The following FAP variants were observed in gnomAD, a reference collection of about 807,000 sequenced individuals.
FAP encodes fibroblast activation protein alpha.
FAP carries 110 observed loss-of-function variants against 126.5 expected under a neutral mutation model. The observed-to-expected ratio is 0.87, with a 90% CI of 0.74 to 1.02. The LOEUF (loss-of-function observed/expected upper bound fraction) is 1.02. FAP is among the 50% of genes least tolerant of loss of function. FAP has a pLI of 0.00. For missense variants in FAP, 919 were observed against 909.2 expected, an observed-to-expected ratio of 1.01 and a Z score of -0.14; for synonymous variants, 334 against 297.3, an observed-to-expected ratio of 1.12 and a Z score of -1.27.
intron 21 of FAP, chr2:162,175,454 G>A (rs1293241192): frequency 1.3e-5 from 2 of 152,510 alleles, no homozygotes; most frequent in Non-Finnish European, 2.9e-5. Flanking sequence ...TTTCACAACA[G>A]AATACCAAAG....
At chr2:162,214,175 C>T in intron 10 of FAP, 102 bp from the exon 11 acceptor site, 2 of 1,018,364 alleles carry the variant, frequency 2.0e-6, no homozygotes, top group Non-Finnish European at 2.7e-6. Context: ...CATTATTATA[C>T]ATTACTTATT....
At chr2:162,223,545 G>A in intron 6 of FAP, 63 bp downstream of exon 6, 1 of 1,066,772 alleles carries the variant, frequency 9.4e-7, no homozygotes, top group Non-Finnish European at 1.4e-6. Context: ...CCAAATCATA[G>A]TTTGGAATGA....
chr2:162,173,195 T>C lies in FAP; in HGVS notation c.2061A>G (p.Glu687=). 1 of 1,613,208 alleles carries C rather than the reference T, an allele frequency of 6.2e-7. No homozygotes were observed. Among genetic ancestry groups the C allele is most frequent in the Non-Finnish European group, 8.5e-7 (1 of 1,179,286 alleles). The part of the protein sequence containing the change: ...YKNSTVMARA[E]YFRNVDYLLI... ...GAAGATAGTCTACATTTCTGAAATATTCTGCTCTTGCCATCACAGTTGAAT... is the reference window on the plus strand; with the variant it reads ...GAAGATAGTCTACATTTCTGAAATACTCTGCTCTTGCCATCACAGTTGAAT... Residue 687 remains glutamate, a synonymous_variant, in exon 24 of 26, where the codon GAA becomes GAG. Coordinates refer to ENST00000188790, the MANE Select transcript of FAP (RefSeq NM_004460.5).
chr2:162,220,776 A>G (rs1463338041), intron 6 of FAP, among the ~76,000 whole-genome samples: 1 of 152,228 alleles, frequency 6.6e-6, no homozygotes, highest in Non-Finnish European at 1.5e-5. Flanking sequence ...TCAGACTTTT[A>G]TAAGTGTTGC....
rs372981953 is a variant in FAP at position 162,205,612 on chromosome 2, C to A, written c.1048-2467G>T. ...CATCACAACCTCTGTCGCCCGGGCA[C>A]AAGTGATTCTCCTGCCTCAGCCTCC... On this transcript the variant is annotated intron_variant, in intron 12 of 25. Coordinates refer to ENST00000188790, the MANE Select transcript of FAP (RefSeq NM_004460.5). Among the ~76,000 whole-genome samples the A allele has an allele frequency of 3.3e-5, 5 of 152,084 alleles. No homozygotes were observed. The East Asian group carries it at 7.7e-4, about 23-fold the overall frequency.
chr2:162,188,754 A>G lies in FAP; in HGVS notation c.1619+349T>C, dbSNP rs564549159. ...GGTGTGATTCCACTAAATGTATTCT[A>G]TTCCTTTATTTCATTTCTAACTCAA... On this transcript the variant is annotated intron_variant, in intron 19 of 25. Transcript: ENST00000188790. Among the ~76,000 whole-genome samples the G allele has an allele frequency of 2.6e-5, 4 of 152,222 alleles. No homozygotes were observed. The East Asian group carries it at 7.7e-4, about 29-fold the overall frequency.
rs1324079526 is a variant in FAP at position 162,188,222 on chromosome 2, T to C, written c.1761A>G (p.Ala587=). The change falls in exon 20 of 26, where the codon GCA becomes GCG. Residue 587 remains alanine (A), a synonymous_variant. Coordinates refer to ENST00000188790, the MANE Select transcript of FAP (RefSeq NM_004460.5). ...TAFQGDKLLY[A]VYRKLGVYEV... ...CATAAACACCCAGCTTTCGATACAC[T>C]GCATAGAGGAGTTTGTCACCTTGGA... 5 of 1,613,126 alleles carry C rather than the reference T, an allele frequency of 3.1e-6. No homozygotes were observed. Among genetic ancestry groups the C allele is most frequent in the African/African-American group, 2.7e-5 (2 of 74,836 alleles).
At chr2:162,183,603 C>A (rs1687766648) in intron 20 of FAP, 135 bp from the exon 21 acceptor site, 3 of 624,524 alleles carry the variant, frequency 4.8e-6, no homozygotes, top group Admixed American at 3.0e-5. Context: ...CATAATAAGC[C>A]TGCATTTACA....
intron 6 of FAP, among the ~76,000 whole-genome samples, chr2:162,223,012 T>C (rs938670737): frequency 2.0e-5 from 3 of 152,198 alleles, no homozygotes; most frequent in East Asian, 1.9e-4. Flanking sequence ...TTTTAAATGG[T>C]AAATGTTTCA....
chr2:162,205,333 A>C (rs1688662717), intron 12 of FAP, among the ~76,000 whole-genome samples: 1 of 152,152 alleles, frequency 6.6e-6, no homozygotes, highest in Admixed American at 6.5e-5. Context: ...AATGCTTCCA[A>C]GTGAAATTAA....
Position 162,243,379 on chromosome 2 carries a change from A to G in FAP, c.-52T>C, listed in dbSNP as rs1194689292. On this transcript the variant is annotated 5_prime_UTR_variant, in exon 1 of 26. Coordinates refer to ENST00000188790, the MANE Select transcript of FAP (RefSeq NM_004460.5). ...TAATTCTGTCTTCAGAGCGTGGGTC[A>G]CTGGATCTGTGAAAACCGTTGAAAA... The G allele has an allele frequency of 1.3e-6, 2 of 1,597,402 alleles. No homozygotes were observed. The highest frequency in any genetic ancestry group is 3.6e-5 in the Admixed American group (2 of 56,214).
At chr2:162,232,242 A>G (rs1284623611) in intron 2 of FAP, among the ~76,000 whole-genome samples, 1 of 152,234 alleles carries the variant, frequency 6.6e-6, no homozygotes, top group Non-Finnish European at 1.5e-5. Flanking sequence ...CTCTACATGT[A>G]TAGTCCTGTT....
chr2:162,215,838 C>T (rs1261459958), intron 10 of FAP, 60 bp downstream of exon 10: 6 of 1,201,580 alleles, frequency 5.0e-6, no homozygotes, highest in Non-Finnish European at 7.4e-6. Context: ...TTCTAGCATG[C>T]ACAGCATAAA....
At position 162,226,553 on chromosome 2, in the gene FAP, A is replaced by G. The variant is rs1258660681; in HGVS notation, c.160T>C (p.Tyr54His). 7.5e-6 allele frequency: 12 copies of G among 1,589,830 alleles called. No individual in the cohort carries two copies. Among genetic ancestry groups the G allele is most frequent in the South Asian group, 1.2e-5 (1 of 86,634 alleles). Reference protein sequence around the residue: ...LKDILNGTFSYKTFFPNWISG... With the variant: ...LKDILNGTFSHKTFFPNWISG... The stretch of plus-strand genomic sequence containing the variant: ...ATCCAGTTTGGAAAAAATGTTTTAT[A>G]AGAAAATGTTCCATTTAAAATATCC... The change falls in exon 3 of 26, where the codon TAT (tyrosine) becomes CAT (histidine). Residue 54 changes from tyrosine to histidine, a missense_variant. By Grantham distance (83) the Tyr-to-His change is moderately conservative. Transcript: ENST00000188790.
At chr2:162,219,762 T>TC in intron 7 of FAP, 91 bp downstream of exon 7, 1 of 840,898 alleles carries the variant, frequency 1.2e-6, no homozygotes, top group Non-Finnish European at 2.0e-6. Flanking sequence ...TATTTTTTTT[T>TC]CTTTCAGGCA....
At chr2:162,194,859 T>C (rs1474779004) in intron 16 of FAP, 111 bp from the exon 17 acceptor site, 13 of 900,360 alleles carry the variant, frequency 1.4e-5, no homozygotes, top group East Asian at 7.6e-5. Context: ...GTACATCTTT[T>C]AATTCTGCAG....
At chr2:162,217,454 A>G (rs1355809789) in intron 9 of FAP, among the ~76,000 whole-genome samples, 2 of 152,136 alleles carry the variant, frequency 1.3e-5, no homozygotes, top group African/African-American at 2.4e-5. Flanking sequence ...ATGTATAACA[A>G]CTCTACAATG....
intron 14 of FAP, among the ~76,000 whole-genome samples, chr2:162,201,735 T>C (rs907260148): frequency 6.6e-6 from 1 of 152,178 alleles, no homozygotes; most frequent in Non-Finnish European, 1.5e-5. Context: ...AACTACTCTG[T>C]GTCAGGCGCT....
At chr2:162,184,427 G>A (rs1001096585) in intron 20 of FAP, among the ~76,000 whole-genome samples, 4 of 152,208 alleles carry the variant, frequency 2.6e-5, no homozygotes, top group Non-Finnish European at 5.9e-5. Flanking sequence ...AGAACTGAGT[G>A]ATTTTCATTA....
Sources: allele counts gnomAD v4.1 joint callset (sites outside exome capture counted in the v4.1 genomes callset), GRCh38; gene constraint gnomAD v4.1.1; transcripts MANE v1.5; gene names NCBI Gene and HGNC (gene_info 2026-07-23, HGNC 2026-07-21).